The following PLD1 variants were observed in gnomAD, a reference collection of about 807,000 sequenced individuals.
PLD1 encodes phospholipase D1.
Under a neutral mutation model 137.1 loss-of-function variants are expected in PLD1, and 112 were observed. The observed-to-expected ratio is 0.82, with a 90% CI of 0.70 to 0.96. The LOEUF is 0.96. Among genes scored for constraint, PLD1 ranks in the 40% least tolerant of loss-of-function variants. The probability of loss-of-function intolerance (pLI) is 0.00; values close to 1 mark genes in which losing one functional copy is unlikely to be tolerated. For synonymous variants in PLD1, 431 were observed against 454.7 expected (o/e 0.95, Z 0.66); for missense variants, 1,321 against 1,342.0 (o/e 0.98, Z 0.24).
At chr3:171,797,712 A>C (rs1472426769) in intron 1 of PLD1, among the ~76,000 whole-genome samples, 1 of 152,258 alleles carries the variant, frequency 6.6e-6, no homozygotes, top group Non-Finnish European at 1.5e-5. Flanking sequence ...ACCAAAATAT[A>C]TGCAAATATC....
At chr3:171,671,990 GC>G (rs1163121126) in intron 19 of PLD1, among the ~76,000 whole-genome samples, 1 of 77,272 alleles carries the variant, frequency 1.3e-5, no homozygotes, top group East Asian at 3.9e-4. Flanking sequence ...CCCCCACCCC[GC>G]CCCCGCCCTG....
In PLD1 at chr3:171,726,189, A is replaced by T. The variant is rs60441473; in HGVS notation, c.607-113T>A. On this transcript the variant is annotated intron_variant, in intron 6 of 26. Transcript: ENST00000351298. ...ATATACTGTTTGGTGTGCTCCACAG[A>T]CTACACAGATCAATAATAATGGCAT... 0.015 allele frequency: 10,288 copies of T among 692,350 alleles called. 309 individuals are homozygous for T. Among genetic ancestry groups the T allele is most frequent in the African/African-American group, 0.1 (5,669 of 56,658 alleles). The allele number at this position is 692,350 out of a possible 1,614,324, so 42.9% of individuals were successfully genotyped here.
intron 1 of PLD1, among the ~76,000 whole-genome samples, chr3:171,752,450 C>T (rs1720732359): frequency 6.6e-6 from 1 of 152,204 alleles, no homozygotes; most frequent in Admixed American, 6.5e-5. Context: ...GCAGCTCTTT[C>T]CCTCTTGCTG....
In PLD1 at chr3:171,662,117, G is replaced by A. The variant is rs2108438449; in HGVS notation, c.2283C>T (p.Ser761=). The A allele has an allele frequency of 6.2e-7, 1 of 1,613,580 alleles. No individual in the cohort carries two copies. The highest frequency in any genetic ancestry group is 2.2e-5 in the East Asian group (1 of 44,882). Residue 761 remains serine, a synonymous_variant, in exon 20 of 27, where the codon TCC becomes TCT. Coordinates refer to ENST00000351298, the MANE Select transcript of PLD1 (RefSeq NM_002662.5). The part of the protein sequence containing the change: ...WSAGIKYHEE[S]IHAAYVHVIE... ...TCACATGGACGTAAGCGGCGTGGAT[G>A]GACTCTTCATGGTACTTTATACCAG...
intron 1 of PLD1, among the ~76,000 whole-genome samples, chr3:171,774,566 G>A (rs982305672): frequency 6.6e-6 from 1 of 152,208 alleles, no homozygotes; most frequent in African/African-American, 2.4e-5. Context: ...GAAAAGGTAA[G>A]TAGGAGGAAT....
Position 171,709,540 on chromosome 3 carries a change from T to G in PLD1, c.1061+20A>C. The G allele has an allele frequency of 6.2e-7, 1 of 1,610,854 alleles. No homozygotes were observed. Among genetic ancestry groups the G allele is most frequent in the East Asian group, 2.2e-5 (1 of 44,854 alleles). ...AGATGCTATGACTGCCTTGACAGGC[T>G]TAGAGAAATAATAACTTACCATTTA... On this transcript the variant is annotated intron_variant, in intron 10 of 26. Coordinates refer to ENST00000351298, the MANE Select transcript of PLD1 (RefSeq NM_002662.5).
At chr3:171,773,545 T>C (rs887839055) in intron 1 of PLD1, among the ~76,000 whole-genome samples, 3 of 151,700 alleles carry the variant, frequency 2.0e-5, no homozygotes, top group Admixed American at 2.0e-4. Context: ...GAGGTTGCAG[T>C]GAGCCGACTT....
intron 12 of PLD1, among the ~76,000 whole-genome samples, chr3:171,694,064 G>T (rs1715458377): frequency 6.6e-6 from 1 of 151,856 alleles, no homozygotes; most frequent in Non-Finnish European, 1.5e-5. Context: ...GCACGTTTTG[G>T]ACCCTAAATT....
chr3:171,745,016 T>G (rs1720043648), intron 1 of PLD1, among the ~76,000 whole-genome samples: 1 of 152,246 alleles, frequency 6.6e-6, no homozygotes, highest in East Asian at 1.9e-4. Context: ...TCCTAAATTC[T>G]TTGACCTCTT....
intron 19 of PLD1, among the ~76,000 whole-genome samples, chr3:171,665,382 A>G (rs998143660): frequency 6.6e-6 from 1 of 152,188 alleles, no homozygotes; most frequent in Non-Finnish European, 1.5e-5. Context: ...AGTATTTAAA[A>G]TATTAAAGCT....
intron 21 of PLD1, among the ~76,000 whole-genome samples, chr3:171,655,829 A>G (rs1737142369): frequency 6.6e-6 from 1 of 152,240 alleles, no homozygotes. Flanking sequence ...GTATCCACTG[A>G]AAGTCTAAAT....
At chr3:171,737,699 T>G in intron 2 of PLD1, 40 bp from the exon 3 acceptor site, 2 of 1,406,980 alleles carry the variant, frequency 1.4e-6, no homozygotes, top group Non-Finnish European at 2.0e-6. Context: ...AATATATGAT[T>G]AGCATAACTT....
At chr3:171,624,057 C>T (rs1000476566) in intron 23 of PLD1, among the ~76,000 whole-genome samples, 3 of 147,950 alleles carry the variant, frequency 2.0e-5, no homozygotes, top group Non-Finnish European at 4.5e-5. Context: ...AACACGTTTG[C>T]ATGACACAAA....
chr3:171,633,117 C>T (rs965049411), intron 23 of PLD1, among the ~76,000 whole-genome samples: 2 of 152,028 alleles, frequency 1.3e-5, no homozygotes, highest in Non-Finnish European at 2.9e-5. Flanking sequence ...TATGGGGACA[C>T]CCATTTATGA....
rs370433538 is a variant in PLD1, at chr3:171,750,155, AG to A, written c.-31-12074del. On this transcript the variant is annotated intron_variant, in intron 1 of 26. Transcript: ENST00000351298. ...AAATTAGCTGAGAAGGATTATTTAA[AG>A]TGACTATTATAATAATGCTCAAGGA... Among the ~76,000 whole-genome samples the A allele has an allele frequency of 1.7e-3, 265 of 152,376 alleles. 1 individual carries two copies. Among genetic ancestry groups the A allele is most frequent in the African/African-American group, 6.0e-3 (249 of 41,600 alleles).
chr3:171,606,853 G>T (rs551906604), intron 25 of PLD1, among the ~76,000 whole-genome samples: 15 of 152,086 alleles, frequency 9.9e-5, no homozygotes, highest in African/African-American at 3.6e-4. Context: ...ATGTGATTTT[G>T]TACATTTCTG....
intron 1 of PLD1, among the ~76,000 whole-genome samples, chr3:171,757,005 G>T (rs960948938): frequency 7.2e-5 from 11 of 152,138 alleles, no homozygotes; most frequent in African/African-American, 2.7e-4. Flanking sequence ...TTCAAAGAAA[G>T]GGCAGGTAAT....
At chr3:171,652,391 C>T (rs1024820798) in intron 21 of PLD1, among the ~76,000 whole-genome samples, 8 of 139,750 alleles carry the variant, frequency 5.7e-5, no homozygotes, top group Non-Finnish European at 1.1e-4. Flanking sequence ...CCAGCCTCGG[C>T]GACAGAGTGA....
chr3:171,677,558 A>G lies in PLD1; in HGVS notation c.1996+8T>C. 2.0e-5 allele frequency: 32 copies of G among 1,613,116 alleles called. No individual in the cohort carries two copies. The highest frequency in any genetic ancestry group is 2.6e-5 in the Non-Finnish European group (31 of 1,179,330). On this transcript the variant is annotated splice_region_variant and intron_variant, in intron 17 of 26. Transcript: ENST00000351298. The stretch of plus-strand genomic sequence containing the variant: ...ATATAACCAGCACCCCACCATTATG[A>G]TACTCACCAGCAAAAGGTTTATCAA...
Sources: allele counts gnomAD v4.1 joint callset (sites outside exome capture counted in the v4.1 genomes callset), GRCh38; gene constraint gnomAD v4.1.1; transcripts MANE v1.5; gene names NCBI Gene and HGNC (gene_info 2026-07-23, HGNC 2026-07-21).